The following CCDC25 variants were observed in gnomAD, a reference collection of about 807,000 sequenced individuals.
The protein encoded by CCDC25 is coiled-coil domain-containing protein 25.
A neutral mutation model predicts 35.3 loss-of-function variants in CCDC25; 16 were observed. The ratio of observed to expected loss-of-function variants is 0.45; its 90% CI spans 0.31 to 0.69. The LOEUF is 0.69. Ranked by LOEUF, CCDC25 falls within the 30% of genes least tolerant of loss-of-function variation. CCDC25 has a pLI of 0.06. For synonymous variants in CCDC25, 79 were observed against 80.3 expected (o/e 0.98, Z 0.09); for missense variants, 179 against 250.7 (o/e 0.71, Z 1.93).
chr8:27,757,828 T>C (rs1804068948), intron 3 of CCDC25, among the ~76,000 whole-genome samples: 1 of 152,186 alleles, frequency 6.6e-6, no homozygotes, highest in Non-Finnish European at 1.5e-5. Flanking sequence ...GGGAGGTGAC[T>C]GGATCATGGG....
intron 8 of CCDC25, among the ~76,000 whole-genome samples, chr8:27,736,565 G>A (rs1475404275): frequency 6.6e-6 from 1 of 152,196 alleles, no homozygotes; most frequent in African/African-American, 2.4e-5. Flanking sequence ...AAACATGACA[G>A]ATCCTTCAAC....
intron 3 of CCDC25, among the ~76,000 whole-genome samples, chr8:27,759,994 G>C (rs1804168834): frequency 6.6e-6 from 1 of 151,914 alleles, no homozygotes; most frequent in South Asian, 2.1e-4. Flanking sequence ...AGCACTCCCT[G>C]GAATATGTCC....
At chr8:27,758,881 G>A (rs1233062848) in intron 3 of CCDC25, among the ~76,000 whole-genome samples, 3 of 152,152 alleles carry the variant, frequency 2.0e-5, no homozygotes. Context: ...GAATATCACT[G>A]CCAAAATACA....
intron 3 of CCDC25, among the ~76,000 whole-genome samples, chr8:27,757,014 T>G (rs1804030464): frequency 6.6e-6 from 1 of 152,088 alleles, no homozygotes; most frequent in African/African-American, 2.4e-5. Flanking sequence ...ATACTAAATA[T>G]TAACTGTACT....
At chr8:27,765,480 AG>A (rs1222699281) in intron 1 of CCDC25, among the ~76,000 whole-genome samples, 1 of 152,200 alleles carries the variant, frequency 6.6e-6, no homozygotes, top group Non-Finnish European at 1.5e-5. Context: ...CGGAGATTGT[AG>A]GTGACTCACA....
At chr8:27,756,067 T>G (rs903826195) in intron 4 of CCDC25, among the ~76,000 whole-genome samples, 3 of 152,172 alleles carry the variant, frequency 2.0e-5, no homozygotes, top group Non-Finnish European at 4.4e-5. Context: ...ATATAAGATG[T>G]TGATGATGGG....
At chr8:27,738,900 T>A (rs1803345149) in intron 8 of CCDC25, among the ~76,000 whole-genome samples, 1 of 151,946 alleles carries the variant, frequency 6.6e-6, no homozygotes, top group African/African-American at 2.4e-5. Context: ...CATCTTTTCA[T>A]AATGATATTC....
chr8:27,751,409 G>A (rs1803800757), intron 5 of CCDC25, among the ~76,000 whole-genome samples: 1 of 152,156 alleles, frequency 6.6e-6, no homozygotes, highest in Admixed American at 6.6e-5. Flanking sequence ...AAAATCAGTG[G>A]CTCTGTAAAG....
In CCDC25 at chr8:27,737,875, T is replaced by TACACACACACACACACAC. The variant is rs200945575; in HGVS notation, c.598-1631_598-1630insGTGTGTGTGTGTGTGTGT. 4.4e-5 allele frequency among the ~76,000 whole-genome samples: 6 copies of TACACACACACACACACAC among 136,076 alleles called. No homozygotes were observed. Among genetic ancestry groups the TACACACACACACACACAC allele is most frequent in the African/African-American group, 1.6e-4 (6 of 37,524 alleles). 89.3% of individuals were successfully genotyped at this position (136,076 alleles called of 152,430 possible). On this transcript the variant is annotated intron_variant, in intron 8 of 8. Coordinates refer to ENST00000356537, the MANE Select transcript of CCDC25 (RefSeq NM_018246.3). This position sits in a 1 kb window ranked among gnomAD's most constrained non-coding sequence, Gnocchi z 4.6. ...GGATAAAGAAACTGTGGTGTGTGTA[T>TACACACACACACACACAC]ACACACACTCACACACACACACACA... is the stretch of plus-strand genomic sequence containing the variant.
Position 27,752,552 on chromosome 8 carries a change from C to G in CCDC25, c.204G>C (p.Leu68=). ...CCTTCACAAGGTGGGCACAGTCCAT[C>G]AGCACTTCCTTTGGGATGTCTTCTA... is the stretch of plus-strand genomic sequence containing the variant. The part of the protein sequence containing the change: ...ENIEDIPKEV[L]MDCAHLVKAN... Residue 68 remains leucine (L), a synonymous_variant, in exon 5 of 9, where the codon CTG becomes CTC. Transcript: ENST00000356537. 1 of 1,613,754 alleles carries G rather than the reference C, an allele frequency of 6.2e-7. No homozygotes were observed. Among genetic ancestry groups the G allele is most frequent in the African/African-American group, 1.3e-5 (1 of 75,014 alleles).
At chr8:27,736,893 C>T (rs1803250103) in intron 8 of CCDC25, among the ~76,000 whole-genome samples, 1 of 152,140 alleles carries the variant, frequency 6.6e-6, no homozygotes, top group Non-Finnish European at 1.5e-5. Context: ...AAAGGTAGAG[C>T]CCTGACTCCT....
chr8:27,738,110 G>C (rs11775492), intron 8 of CCDC25, among the ~76,000 whole-genome samples: 65,884 of 151,796 alleles, frequency 0.43, 14,560 homozygotes, highest in East Asian at 0.63. Flanking sequence ...TGGGGACTTA[G>C]GGGGAAGAGT....
At chr8:27,758,669 C>T (rs902651839) in intron 3 of CCDC25, among the ~76,000 whole-genome samples, 1 of 152,194 alleles carries the variant, frequency 6.6e-6, no homozygotes, top group African/African-American at 2.4e-5. Context: ...TGAAAAGTAA[C>T]TTTACCCATT....
chr8:27,740,472 C>T lies in CCDC25; in HGVS notation c.597G>A (p.Gln199=). Reference sequence around the variant, plus strand: ...ATTCATGCAAACCACTTGAACATACCTGATTTGAAGACATATTTTCAACTT... The same window carrying T: ...ATTCATGCAAACCACTTGAACATACTTGATTTGAAGACATATTTTCAACTT... ...LMKVENMSSN[Q]DGNDSDEFM Residue 199 remains glutamine, a splice_region_variant and synonymous_variant, in exon 8 of 9, where the codon CAG becomes CAA. Transcript: ENST00000356537. The T allele has an allele frequency of 1.2e-6, 2 of 1,612,176 alleles. No homozygotes were observed. Among genetic ancestry groups the T allele is most frequent in the Admixed American group, 1.7e-5 (1 of 59,758 alleles).
intron 1 of CCDC25, among the ~76,000 whole-genome samples, chr8:27,770,826 A>G (rs1019345513): frequency 1.8e-4 from 28 of 152,198 alleles, no homozygotes; most frequent in African/African-American, 6.8e-4. Context: ...TGCTATAAGT[A>G]AGTAAAAAAA....
intron 1 of CCDC25, among the ~76,000 whole-genome samples, chr8:27,767,217 T>C (rs1210787008): frequency 1.3e-5 from 2 of 152,056 alleles, no homozygotes; most frequent in Non-Finnish European, 2.9e-5. Context: ...AATACAAAAA[T>C]TAGCCAGGTG....
At chr8:27,750,033 T>C (rs967810956) in intron 5 of CCDC25, among the ~76,000 whole-genome samples, 3 of 152,224 alleles carry the variant, frequency 2.0e-5, no homozygotes, top group South Asian at 2.1e-4. Flanking sequence ...AAAATCTCCA[T>C]GTGCAAGGCA....
At chr8:27,762,554 A>G (rs1316692678) in intron 2 of CCDC25, 96 bp from the exon 3 acceptor site, 1 of 1,038,786 alleles carries the variant, frequency 9.6e-7, no homozygotes, top group Non-Finnish European at 1.4e-6. Context: ...TCCTCCCACA[A>G]ATTTCTCTCT....
intron 1 of CCDC25, among the ~76,000 whole-genome samples, chr8:27,770,801 C>G (rs1804579379): frequency 1.3e-5 from 2 of 151,100 alleles, no homozygotes; most frequent in Non-Finnish European, 2.9e-5. Flanking sequence ...TATAGAGTAG[C>G]AATAGAATAG....
Sources: allele counts gnomAD v4.1 joint callset (sites outside exome capture counted in the v4.1 genomes callset), GRCh38; gene constraint gnomAD v4.1.1; non-coding constraint Gnocchi (gnomAD v3.1); transcripts MANE v1.5; gene names NCBI Gene and HGNC (gene_info 2026-07-23, HGNC 2026-07-21).